Variants in AQR observed in about 807,000 individuals in gnomAD.
AQR encodes aquarius intron-binding spliceosomal factor.
Under a neutral mutation model 180.5 loss-of-function variants are expected in AQR, and 61 were observed. The observed-to-expected ratio is 0.34, with a 90% CI of 0.28 to 0.42. AQR has a LOEUF of 0.42. Ranked by LOEUF, AQR falls within the 10% of genes least tolerant of loss-of-function variation. AQR has a pLI of 1.00. For missense variants in AQR, 1,281 were observed against 1,798.3 expected, an observed-to-expected ratio of 0.71 and a Z score of 5.20; for synonymous variants, 551 against 588.8, an observed-to-expected ratio of 0.94 and a Z score of 0.93.
Position 34,940,956 on chromosome 15 carries a change from T to G in AQR, c.584A>C (p.Lys195Thr), listed in dbSNP as rs200295409. ...LELKKTPKLR[K>T]FWNLIKKNDE... ...ATTCTTTTTAATCAAGTTCCAGAATTTTCTTAGCTTAGGTGTCTTTTTTAA... is the reference window on the plus strand; with the variant it reads ...ATTCTTTTTAATCAAGTTCCAGAATGTTCTTAGCTTAGGTGTCTTTTTTAA... The change falls in exon 8 of 35, where the codon AAA becomes ACA. Residue 195 changes from lysine (K) to threonine (T), a missense_variant. Around this residue, in one of 9 missense-constraint regions of AQR, gnomAD observed 404 missense variants for 490.9 expected, o/e 0.82. Transcript: ENST00000156471. The G allele has an allele frequency of 1.7e-4, 279 of 1,611,344 alleles. No individual in the cohort carries two copies. Among genetic ancestry groups the G allele is most frequent in the Non-Finnish European group, 1.1e-4 (129 of 1,178,922 alleles).
Position 34,876,114 on chromosome 15 carries a change from A to G in AQR, c.3166-108T>C, listed in dbSNP as rs1263354537. 99 of 791,650 alleles carry G rather than the reference A, an allele frequency of 1.3e-4. No homozygotes were observed. In the East Asian group the frequency reaches 2.4e-3, roughly 19 times the overall value. The allele number at this position is 791,650 out of a possible 1,614,324, so 49.0% of individuals were successfully genotyped here. A position where few individuals can be genotyped will look rare whatever the true frequency, so the allele number is the denominator to read the frequency against. On this transcript the variant is annotated intron_variant, in intron 27 of 34. Transcript: ENST00000156471. ...AAATAATTTCTGATAAAAACGACAT[A>G]CAAATTATTCAGACAGATAAAAATA... is the stretch of plus-strand genomic sequence containing the variant.
At chr15:34,947,522 T>A (rs866916894) in intron 5 of AQR, among the ~76,000 whole-genome samples, 9,093 of 141,742 alleles carry the variant, frequency 0.064, 370 homozygotes, top group Middle Eastern at 0.091. Flanking sequence ...AAAATAATAA[T>A]AATAATAATA....
intron 27 of AQR, among the ~76,000 whole-genome samples, chr15:34,877,145 T>G (rs780559564): frequency 6.6e-6 from 1 of 152,218 alleles, no homozygotes; most frequent in Admixed American, 6.5e-5. Context: ...AAAATTTCAT[T>G]CCTTCTTCGA....
At chr15:34,917,174 AGAC>A (rs1404146980) in intron 15 of AQR, among the ~76,000 whole-genome samples, 3 of 152,236 alleles carry the variant, frequency 2.0e-5, no homozygotes, top group African/African-American at 7.2e-5. Flanking sequence ...AAAGATATGA[AGAC>A]TGCCTATGTT....
chr15:34,950,394 GCTATTTTCTAGTTAATTCTCTCAGAT>G (rs1425329621), intron 4 of AQR, among the ~76,000 whole-genome samples: 1 of 151,564 alleles, frequency 6.6e-6, no homozygotes, highest in African/African-American at 2.4e-5. Flanking sequence ...GGCCCTCTTT[GCTATTTTCTAGTTAATTCTCTCAGAT>G]CTATTTTCTA....
chr15:34,879,672 C>G (rs1217938096), intron 27 of AQR, among the ~76,000 whole-genome samples: 1 of 152,032 alleles, frequency 6.6e-6, no homozygotes, highest in Non-Finnish European at 1.5e-5. Flanking sequence ...AGCAGCGAGC[C>G]CCTTTTGCTT....
At chr15:34,946,518 C>A (rs1454971182) in intron 5 of AQR, among the ~76,000 whole-genome samples, 1 of 143,338 alleles carries the variant, frequency 7.0e-6, no homozygotes, top group African/African-American at 2.6e-5. Flanking sequence ...CCGCCCCGTC[C>A]GGGAGGGAGG....
chr15:34,874,383 T>C (rs1892863246), intron 29 of AQR: 1 of 348,826 alleles, frequency 2.9e-6, no homozygotes, highest in Non-Finnish European at 5.1e-6. Flanking sequence ...GATTTTAAAA[T>C]TATATTAACT....
chr15:34,929,938 TA>T (rs1893826415), intron 12 of AQR, among the ~76,000 whole-genome samples: 1 of 152,142 alleles, frequency 6.6e-6, no homozygotes, highest in Admixed American at 6.6e-5. Flanking sequence ...GCAAAATGGT[TA>T]CGCACCCCCT....
rs774618116 is a variant in AQR at position 34,964,308 on chromosome 15, T to C, written c.76-18A>G. ...CATGCTAACTGCAAAGTAAACAGTA[T>C]AAACAGTAAGTCCCAGATTCTTGCC... On this transcript the variant is annotated intron_variant, in intron 1 of 34. Coordinates refer to ENST00000156471, the MANE Select transcript of AQR (RefSeq NM_014691.3). 26 of 1,583,984 alleles carry C rather than the reference T, an allele frequency of 1.6e-5. No individual in the cohort carries two copies. Among genetic ancestry groups the C allele is most frequent in the African/African-American group, 2.7e-5 (2 of 74,384 alleles).
intron 1 of AQR, among the ~76,000 whole-genome samples, chr15:34,965,213 T>C (rs188019698): frequency 1.1e-3 from 175 of 152,376 alleles, no homozygotes; most frequent in Admixed American, 1.8e-3. Context: ...CTTATCCATC[T>C]TTCCTTCTCA....
In AQR at chr15:34,856,823, T is replaced by A; in HGVS notation, c.4427A>T (p.Asp1476Val). 6.3e-7 allele frequency: 1 copy of A among 1,586,352 alleles called. No homozygotes were observed. The highest frequency in any genetic ancestry group is 8.6e-7 in the Non-Finnish European group (1 of 1,166,106). The change falls in exon 35 of 35, where the codon GAT becomes GTT. Residue 1476 changes from aspartate to valine, a missense_variant. Coordinates refer to ENST00000156471, the MANE Select transcript of AQR (RefSeq NM_014691.3). ...GGTCTCTTCCGGGGCAGATGTGGCA[T>A]CCTGAGGTGTGTTAGCTTCTGCCGG... ...SAPAEANTPQ[D>V]ATSAPEETK
At chr15:34,878,565 C>T (rs1892921824) in intron 27 of AQR, among the ~76,000 whole-genome samples, 1 of 152,060 alleles carries the variant, frequency 6.6e-6, no homozygotes, top group African/African-American at 2.4e-5. Context: ...CATTCTGATA[C>T]ATTTCCTTCT....
intron 34 of AQR, among the ~76,000 whole-genome samples, chr15:34,859,092 T>C (rs72717427): frequency 6.6e-6 from 1 of 152,212 alleles, no homozygotes; most frequent in South Asian, 2.1e-4. Flanking sequence ...AAACTTTTGC[T>C]CTTTGAAAGA....
chr15:34,857,069 C>A lies in AQR; in HGVS notation c.4181G>T (p.Gly1394Val). Residue 1394 changes from glycine to valine, a missense_variant, in exon 35 of 35, where the codon GGT (glycine) becomes GTT (valine). Coordinates refer to ENST00000156471, the MANE Select transcript of AQR (RefSeq NM_014691.3). ...TGTTTCTTGATTTTGAACTTCCTCA[C>A]CCTCTTCTACCATAGCAGGTGGTAG... ...LQLPPAMVEE[G>V]EEVQNQETEL... is the part of the protein sequence containing the mutation. 1 of 1,605,028 alleles carries A rather than the reference C, an allele frequency of 6.2e-7. No homozygotes were observed. Among genetic ancestry groups the A allele is most frequent in the Non-Finnish European group, 8.5e-7 (1 of 1,176,220 alleles).
intron 9 of AQR, among the ~76,000 whole-genome samples, chr15:34,935,125 T>A (rs1271538884): frequency 3.3e-5 from 5 of 152,198 alleles, no homozygotes; most frequent in Admixed American, 3.3e-4. Flanking sequence ...TAATTTTTAT[T>A]ATTTTTTTCC....
At chr15:34,897,038 T>C in intron 21 of AQR, 72 bp from the exon 22 acceptor site, 1 of 1,229,654 alleles carries the variant, frequency 8.1e-7, no homozygotes, top group Non-Finnish European at 1.2e-6. Flanking sequence ...TAGACAACAA[T>C]GACCAGTGGT....
At position 34,934,564 on chromosome 15, in the gene AQR, T is replaced by A. The variant is rs544646111; in HGVS notation, c.783+7A>T. ...ATATAACAAAAAAGTCACGGTAGATTTCTTACCTCTAGATCAATCATAAGT... is the reference window on the plus strand; with the variant it reads ...ATATAACAAAAAAGTCACGGTAGATATCTTACCTCTAGATCAATCATAAGT... On this transcript the variant is annotated splice_region_variant and intron_variant, in intron 10 of 34. Transcript: ENST00000156471. The A allele has an allele frequency of 1.9e-6, 3 of 1,577,944 alleles. No individual in the cohort carries two copies. The highest frequency in any genetic ancestry group is 2.6e-6 in the Non-Finnish European group (3 of 1,166,962).
At chr15:34,963,643 G>C (rs1438715256) in intron 2 of AQR, among the ~76,000 whole-genome samples, 4 of 149,462 alleles carry the variant, frequency 2.7e-5, no homozygotes, top group Non-Finnish European at 4.4e-5. Context: ...AAACAGTTAA[G>C]TAAATTATAC....
Sources: gnomAD v4.1 joint callset for allele counts (sites outside exome capture counted in the v4.1 genomes callset) on GRCh38, gnomAD v4.1.1 for gene constraint, gnomAD v4.1.1 regional missense constraint, MANE v1.5 for transcripts, NCBI Gene and HGNC (gene_info 2026-07-23, HGNC 2026-07-21) for gene names.